KLHL20: variants seen among roughly 807,000 people sequenced by gnomAD.
KLHL20 encodes the protein kelch-like protein 20.
In KLHL20, 29 loss-of-function variants were observed where a neutral mutation model predicts 69.5. That is an observed-to-expected ratio of 0.42 (90% CI 0.31 to 0.57). KLHL20 has a LOEUF of 0.57. Ranked by LOEUF, KLHL20 falls within the 20% of genes least tolerant of loss-of-function variation. KLHL20 has a pLI of 0.18. For missense variants in KLHL20, 419 were observed against 776.0 expected (o/e 0.54, Z 5.47); for synonymous variants, 253 against 265.2 (o/e 0.95, Z 0.45).
intron 5 of KLHL20, among the ~76,000 whole-genome samples, chr1:173,754,268 A>T (rs1023476304): frequency 6.6e-6 from 1 of 152,180 alleles, no homozygotes; most frequent in Non-Finnish European, 1.5e-5. Flanking sequence ...ACTAGAGTTA[A>T]ACTAGATTTT....
chr1:173,742,620 G>T (rs1224651521), intron 3 of KLHL20, among the ~76,000 whole-genome samples: 1 of 151,094 alleles, frequency 6.6e-6, no homozygotes, highest in East Asian at 1.9e-4. Flanking sequence ...TATACGTGCA[G>T]ATATATACAC....
intron 3 of KLHL20, among the ~76,000 whole-genome samples, chr1:173,740,798 C>T (rs148389734): frequency 4.8e-4 from 73 of 151,878 alleles, no homozygotes; most frequent in African/African-American, 1.6e-3. Flanking sequence ...GCTTCCGTGT[C>T]GTATCTGCAC....
At chr1:173,737,099 T>C (rs765956830) in intron 3 of KLHL20, among the ~76,000 whole-genome samples, 2 of 152,254 alleles carry the variant, frequency 1.3e-5, no homozygotes, top group African/African-American at 2.4e-5. Flanking sequence ...GTGATTTGTT[T>C]GAATTCCTTG....
rs1673527067 is a variant in KLHL20, at chr1:173,755,852, C to G, written c.852-71C>G. 3.9e-6 allele frequency: 4 copies of G among 1,017,962 alleles called. No homozygotes were observed. The South Asian group carries it at 4.2e-5, about 11-fold the overall frequency. 63.1% of individuals were successfully genotyped at this position (1,017,962 alleles called of 1,614,324 possible). On this transcript the variant is annotated intron_variant, in intron 5 of 11. Transcript: ENST00000209884. ...CTTCCCTTTGCCAACCTATATATTC[C>G]TAAACTACATTGGGACTTAACTAAC...
intron 3 of KLHL20, among the ~76,000 whole-genome samples, chr1:173,740,117 T>C (rs1251492614): frequency 6.7e-6 from 1 of 150,188 alleles, no homozygotes. Context: ...TTATCATTTC[T>C]TTTTTCTTTT....
intron 7 of KLHL20, among the ~76,000 whole-genome samples, chr1:173,758,226 G>A (rs1479427400): frequency 2.2e-4 from 34 of 151,814 alleles, no homozygotes; most frequent in Middle Eastern, 3.2e-3. Flanking sequence ...AGATGAGATT[G>A]CGCCATTGCA....
At chr1:173,783,828 T>C (rs1649030251) in intron 11 of KLHL20, among the ~76,000 whole-genome samples, 2 of 151,260 alleles carry the variant, frequency 1.3e-5, no homozygotes, top group African/African-American at 2.4e-5. Flanking sequence ...GATTGGGCCA[T>C]TGCACTGCAG....
intron 8 of KLHL20, among the ~76,000 whole-genome samples, chr1:173,768,444 C>T (rs1035802251): frequency 1.3e-5 from 2 of 152,076 alleles, no homozygotes; most frequent in South Asian, 2.1e-4. Context: ...TATGTTGAAA[C>T]GTTTAACTGT....
At chr1:173,745,406 G>A (rs745639290) in intron 3 of KLHL20, among the ~76,000 whole-genome samples, 1 of 151,494 alleles carries the variant, frequency 6.6e-6, no homozygotes, top group Non-Finnish European at 1.5e-5. Context: ...CAAATGATCC[G>A]CCCTCCTTGG....
intron 10 of KLHL20, among the ~76,000 whole-genome samples, chr1:173,778,864 C>A (rs1245005239): frequency 6.6e-6 from 1 of 151,954 alleles, no homozygotes; most frequent in African/African-American, 2.4e-5. Context: ...TTTTCTTAAT[C>A]TGCCTAAAGG....
rs375714592 is a variant in KLHL20, at chr1:173,724,172, AT to A, written c.23+8123del. Reference sequence around the variant, plus strand: ...CATACATGATATATATGTTTTGGGGATTTTTTTTTTTTTTTTTAGAGATGGG... The same window carrying A: ...CATACATGATATATATGTTTTGGGGATTTTTTTTTTTTTTTTAGAGATGGG... On this transcript the variant is annotated intron_variant, in intron 2 of 11. Transcript: ENST00000209884. 6.1e-3 allele frequency among the ~76,000 whole-genome samples: 814 copies of A among 134,068 alleles called. 1 individual carries two copies. Among genetic ancestry groups the A allele is most frequent in the Middle Eastern group, 0.012 (3 of 256 alleles). The allele number at this position is 134,068 out of a possible 152,430, so 88.0% of individuals were successfully genotyped here. A position where few individuals can be genotyped will look rare whatever the true frequency, so the allele number is the denominator to read the frequency against.
Position 173,733,791 on chromosome 1 carries a change from A to C in KLHL20, c.102A>C (p.Pro34=). The C allele has an allele frequency of 6.2e-7, 1 of 1,614,180 alleles. No homozygotes were observed. The highest frequency in any genetic ancestry group is 8.5e-7 in the Non-Finnish European group (1 of 1,180,020). ...CCCTTGGAGACCCCAACAAACTGCC[A>C]GAAGGGGTTCCCCAACCTGCCCGCA... ...RCTLGDPNKL[P]EGVPQPARMP... Residue 34 remains proline, a synonymous_variant, in exon 3 of 12, where the codon CCA becomes CCC. Transcript: ENST00000209884.
At chr1:173,767,931 G>T (rs1647836871) in intron 8 of KLHL20, among the ~76,000 whole-genome samples, 1 of 151,842 alleles carries the variant, frequency 6.6e-6, no homozygotes, top group Non-Finnish European at 1.5e-5. Context: ...TATGCTTTGG[G>T]GCACATAACC....
At chr1:173,727,271 T>C (rs1006268426) in intron 2 of KLHL20, among the ~76,000 whole-genome samples, 1 of 151,588 alleles carries the variant, frequency 6.6e-6, no homozygotes, top group Non-Finnish European at 1.5e-5. Flanking sequence ...AATCTACGTC[T>C]GATTGGTGTA....
intron 10 of KLHL20, among the ~76,000 whole-genome samples, chr1:173,778,078 T>A (rs926146622): frequency 6.6e-6 from 1 of 152,152 alleles, no homozygotes; most frequent in African/African-American, 2.4e-5. Context: ...TTCTTTTTTT[T>A]ATTATACTTT....
intron 9 of KLHL20, among the ~76,000 whole-genome samples, chr1:173,775,218 C>G (rs550679253): frequency 6.6e-6 from 1 of 152,178 alleles, no homozygotes; most frequent in Non-Finnish European, 1.5e-5. Context: ...TCTTCAGAAG[C>G]TTAAAATGCA....
chr1:173,755,870 T>C (rs1461595948), intron 5 of KLHL20, 53 bp from the exon 6 acceptor site: 2 of 1,211,314 alleles, frequency 1.7e-6, no homozygotes, highest in Non-Finnish European at 2.4e-6. Context: ...CATTGGGACT[T>C]AACTAACAAT....
At chr1:173,745,159 ATTTCT>A (rs1214064509) in intron 3 of KLHL20, among the ~76,000 whole-genome samples, 1 of 130,764 alleles carries the variant, frequency 7.6e-6, no homozygotes, top group Non-Finnish European at 1.7e-5. Flanking sequence ...ACTTTTATAC[ATTTCT>A]TTTTTCTTTT....
At chr1:173,746,652 TTAAC>T (rs1213675587) in intron 3 of KLHL20, among the ~76,000 whole-genome samples, 1 of 152,020 alleles carries the variant, frequency 6.6e-6, no homozygotes, top group Non-Finnish European at 1.5e-5. Flanking sequence ...CCTGAATAAG[TTAAC>T]TAATAATCCA....
Sources: allele counts gnomAD v4.1 joint callset (sites outside exome capture counted in the v4.1 genomes callset), GRCh38; gene constraint gnomAD v4.1.1; transcripts MANE v1.5; gene names NCBI Gene and HGNC (gene_info 2026-07-23, HGNC 2026-07-21).